Variants in RNF13 observed in about 807,000 individuals in gnomAD.
The protein encoded by RNF13 is ring finger protein 13.
Under a neutral mutation model 37.7 loss-of-function variants are expected in RNF13, and 19 were observed. That is an observed-to-expected ratio of 0.50 (90% CI 0.35 to 0.74). The LOEUF is 0.74. Ranked by LOEUF, RNF13 falls within the 30% of genes least tolerant of loss-of-function variation. RNF13 has a pLI of 0.01. For synonymous variants in RNF13, 144 were observed against 157.8 expected (o/e 0.91, Z 0.65); for missense variants, 375 against 453.0 (o/e 0.83, Z 1.56).
In RNF13 at chr3:149,939,546, C is replaced by T. The variant is rs1170371914; in HGVS notation, c.700+18319C>T. 5 of 589,904 alleles carry T rather than the reference C, an allele frequency of 8.5e-6. 1 individual carries two copies. The highest frequency in any genetic ancestry group is 4.2e-5 in the South Asian group (3 of 71,668). The allele number at this position is 589,904 out of a possible 1,614,324, so 36.5% of individuals were successfully genotyped here. On this transcript the variant is annotated intron_variant, in intron 8 of 9. Transcript: ENST00000392894. ...TTTCAAGGCCCCCAGAAACCATTGG[C>T]TGTACAGACATTTTCAAAGTTGCCA...
At chr3:149,871,854 G>A (rs1234729824) in intron 3 of RNF13, among the ~76,000 whole-genome samples, 175 bp from the exon 4 acceptor site, 1 of 152,104 alleles carries the variant, frequency 6.6e-6, no homozygotes, top group Non-Finnish European at 1.5e-5. Context: ...AAAACTAAAT[G>A]CTTGTGAAAG....
intron 1 of RNF13, among the ~76,000 whole-genome samples, chr3:149,826,083 G>A (rs7623932): frequency 0.027 from 4,106 of 152,272 alleles, 191 homozygotes; most frequent in African/African-American, 0.095. Flanking sequence ...GGTGTCTGGA[G>A]TGGCTCCAGC....
At position 149,857,280 on chromosome 3, in the gene RNF13, C is replaced by T. The variant is rs370858062; in HGVS notation, c.195+4684C>T. 1.1e-4 allele frequency among the ~76,000 whole-genome samples: 16 copies of T among 152,298 alleles called. No individual in the cohort carries two copies. The East Asian group carries it at 2.9e-3, about 28-fold the overall frequency. The stretch of plus-strand genomic sequence containing the variant: ...ATTTAAAGCCTTTTTCTGTCCTCTC[C>T]TGTATCTTAAAAAATACTATTATTC... On this transcript the variant is annotated intron_variant, in intron 3 of 9. Coordinates refer to ENST00000392894, the MANE Select transcript of RNF13 (RefSeq NM_183381.3).
At chr3:149,918,521 C>T (rs1389749391) in intron 7 of RNF13, among the ~76,000 whole-genome samples, 1 of 151,470 alleles carries the variant, frequency 6.6e-6, no homozygotes, top group Non-Finnish European at 1.5e-5. Flanking sequence ...GATCTTTATC[C>T]CTTTATTTTA....
intron 3 of RNF13, among the ~76,000 whole-genome samples, chr3:149,859,173 C>T (rs985262129): frequency 2.6e-5 from 4 of 152,042 alleles, no homozygotes; most frequent in Admixed American, 6.6e-5. Context: ...AGTTTATAAA[C>T]GAAAACAAAG....
At chr3:149,892,368 G>A (rs1309707961) in intron 4 of RNF13, among the ~76,000 whole-genome samples, 2 of 152,200 alleles carry the variant, frequency 1.3e-5, no homozygotes, top group Non-Finnish European at 2.9e-5. Context: ...ATCCATTCAT[G>A]TATATAGATG....
Position 149,827,939 on chromosome 3 carries a change from ATCTC to A in RNF13, c.-17+14590_-17+14593del, listed in dbSNP as rs147784838. Among the ~76,000 whole-genome samples the A allele has an allele frequency of 6.9e-3, 1,030 of 150,100 alleles. 12 individuals carry two copies. The highest frequency in any genetic ancestry group is 0.023 in the African/African-American group (957 of 41,006). Reference sequence around the variant, plus strand: ...AGCCTGGGCAGCAAGGCAAGACCCTATCTCTCTATTTTTTTTTTTTTTTTAAAGA... The same window carrying A: ...AGCCTGGGCAGCAAGGCAAGACCCTATCTATTTTTTTTTTTTTTTTAAAGA... On this transcript the variant is annotated intron_variant, in intron 1 of 9. Coordinates refer to ENST00000392894, the MANE Select transcript of RNF13 (RefSeq NM_183381.3).
intron 8 of RNF13, among the ~76,000 whole-genome samples, chr3:149,950,875 G>T (rs1363696370): frequency 6.6e-6 from 1 of 152,122 alleles, no homozygotes; most frequent in Non-Finnish European, 1.5e-5. Flanking sequence ...TGGCTGGCGG[G>T]AGCTGGAGTT....
chr3:149,846,527 A>G (rs1722654854), intron 2 of RNF13, among the ~76,000 whole-genome samples: 1 of 151,780 alleles, frequency 6.6e-6, no homozygotes. Context: ...CTGGTCTTGA[A>G]CTCCTGAACC....
intron 8 of RNF13, among the ~76,000 whole-genome samples, chr3:149,954,714 C>T (rs1576600823): frequency 6.6e-6 from 1 of 152,252 alleles, no homozygotes; most frequent in African/African-American, 2.4e-5. Context: ...AATGTTCATG[C>T]TGATTAATAG....
chr3:149,831,341 G>A (rs933995782), intron 1 of RNF13, among the ~76,000 whole-genome samples: 2 of 152,226 alleles, frequency 1.3e-5, no homozygotes, highest in African/African-American at 4.8e-5. Flanking sequence ...ACCCTGCAAA[G>A]CTACAGGAGC....
At chr3:149,835,440 G>A (rs983722313) in intron 1 of RNF13, among the ~76,000 whole-genome samples, 21 of 151,700 alleles carry the variant, frequency 1.4e-4, no homozygotes, top group Non-Finnish European at 2.4e-4. Flanking sequence ...CCTTTCCCCT[G>A]AGTCCCTAAA....
intron 1 of RNF13, among the ~76,000 whole-genome samples, chr3:149,831,978 T>C (rs1469012935): frequency 6.6e-6 from 1 of 152,198 alleles, no homozygotes; most frequent in Non-Finnish European, 1.5e-5. Context: ...AAATAACCTA[T>C]TAAATGATGT....
At chr3:149,928,353 A>T (rs952496183) in intron 8 of RNF13, among the ~76,000 whole-genome samples, 2 of 152,088 alleles carry the variant, frequency 1.3e-5, no homozygotes, top group South Asian at 2.1e-4. Context: ...ATATATAGTA[A>T]ATATGAGGTA....
At chr3:149,858,022 A>T (rs1439352644) in intron 3 of RNF13, among the ~76,000 whole-genome samples, 1 of 152,140 alleles carries the variant, frequency 6.6e-6, no homozygotes, top group Non-Finnish European at 1.5e-5. Flanking sequence ...TTCCAACGGA[A>T]TAGGTTAGTT....
chr3:149,876,361 C>T (rs1472567789), intron 4 of RNF13, among the ~76,000 whole-genome samples: 1 of 152,200 alleles, frequency 6.6e-6, no homozygotes, highest in Non-Finnish European at 1.5e-5. Context: ...AGATATTATT[C>T]TCCCTTCCCA....
intron 9 of RNF13, among the ~76,000 whole-genome samples, chr3:149,960,474 C>G (rs1258439792): frequency 6.6e-6 from 1 of 151,800 alleles, no homozygotes; most frequent in African/African-American, 2.4e-5. Flanking sequence ...GCCTGTAGTC[C>G]CCAGCTACTA....
intron 7 of RNF13, among the ~76,000 whole-genome samples, chr3:149,912,381 G>A (rs943798478): frequency 2.0e-5 from 3 of 152,044 alleles, no homozygotes; most frequent in African/African-American, 7.2e-5. Flanking sequence ...TTGCAAAAAT[G>A]CATGGCATTT....
At chr3:149,834,572 TG>T (rs1296972202) in intron 1 of RNF13, among the ~76,000 whole-genome samples, 1 of 152,250 alleles carries the variant, frequency 6.6e-6, no homozygotes, top group Non-Finnish European at 1.5e-5. Context: ...ATTTGGATTA[TG>T]GGGGTAGATC....
Sources: allele counts gnomAD v4.1 joint callset (sites outside exome capture counted in the v4.1 genomes callset), GRCh38; gene constraint gnomAD v4.1.1; transcripts MANE v1.5; gene names NCBI Gene and HGNC (gene_info 2026-07-23, HGNC 2026-07-21).